Variants in TBC1D19 observed in about 807,000 individuals in gnomAD.
The protein encoded by TBC1D19 is TBC1 domain family, member 19.
A neutral mutation model predicts 89.0 loss-of-function variants in TBC1D19; 60 were observed. That is an observed-to-expected ratio of 0.67 (90% CI 0.55 to 0.84). TBC1D19 has a LOEUF of 0.84. Among genes scored for constraint, TBC1D19 ranks in the 40% least tolerant of loss-of-function variants. The probability of loss-of-function intolerance (pLI) is 0.00; values close to 1 mark genes in which losing one functional copy is unlikely to be tolerated. For missense variants in TBC1D19, 500 were observed against 610.8 expected (o/e 0.82, Z 1.91); for synonymous variants, 189 against 199.7 (o/e 0.95, Z 0.45).
Position 26,620,593 on chromosome 4 carries a change from C to G in TBC1D19, c.219-20C>G. 6.2e-7 allele frequency: 1 copy of G among 1,607,842 alleles called. No individual in the cohort carries two copies. The highest frequency in any genetic ancestry group is 8.5e-7 in the Non-Finnish European group (1 of 1,175,396). On this transcript the variant is annotated intron_variant, in intron 3 of 20. Transcript: ENST00000264866. ...CAAGAGAATAATGTGTGATATTTAGCTGCCTCTTTTTGCTCCTAGGTTTCC... is the reference window on the plus strand; with the variant it reads ...CAAGAGAATAATGTGTGATATTTAGGTGCCTCTTTTTGCTCCTAGGTTTCC...
At chr4:26,643,379 T>G (rs971146946) in intron 7 of TBC1D19, among the ~76,000 whole-genome samples, 1 of 151,986 alleles carries the variant, frequency 6.6e-6, no homozygotes, top group Non-Finnish European at 1.5e-5. Flanking sequence ...TTGAAACCAA[T>G]GAGAACAAAG....
intron 15 of TBC1D19, among the ~76,000 whole-genome samples, chr4:26,734,274 A>T (rs1717833493): frequency 6.6e-6 from 1 of 152,208 alleles, no homozygotes; most frequent in Non-Finnish European, 1.5e-5. Flanking sequence ...AGGCTGAACT[A>T]TCATTTATTA....
At chr4:26,842,881 T>A in the TBC1D19 span, among the ~76,000 whole-genome samples, 1 of 152,244 alleles carries the variant, frequency 6.6e-6, no homozygotes, top group Admixed American at 6.5e-5. Flanking sequence ...AATTGTTGAA[T>A]GGATGAATGA....
chr4:26,605,623 C>T (rs1247358628), intron 1 of TBC1D19, among the ~76,000 whole-genome samples: 7 of 151,334 alleles, frequency 4.6e-5, no homozygotes, highest in South Asian at 2.1e-4. Flanking sequence ...CCTGAGGAAT[C>T]GCCACACTGA....
chr4:26,698,304 A>G (rs1299529417), intron 13 of TBC1D19, among the ~76,000 whole-genome samples: 2 of 152,224 alleles, frequency 1.3e-5, no homozygotes, highest in African/African-American at 4.8e-5. Context: ...CCAACTTACA[A>G]GGGACGTGAA....
chr4:26,796,167 G>A, the TBC1D19 span, among the ~76,000 whole-genome samples: 299 of 152,148 alleles, frequency 2.0e-3, 1 homozygote, highest in Non-Finnish European at 3.4e-3. Flanking sequence ...ATTTTGTTAC[G>A]AAAAGCAATG....
At chr4:26,835,748 C>A in the TBC1D19 span, among the ~76,000 whole-genome samples, 1 of 152,162 alleles carries the variant, frequency 6.6e-6, no homozygotes, top group Admixed American at 6.5e-5. Flanking sequence ...CATGAACTTC[C>A]TAAATGAAAA....
chr4:26,684,476 C>T (rs1713638509), intron 12 of TBC1D19, among the ~76,000 whole-genome samples: 1 of 152,166 alleles, frequency 6.6e-6, no homozygotes, highest in African/African-American at 2.4e-5. Context: ...TAGGTTCCAC[C>T]TGTGGTTGCG....
At chr4:26,698,592 A>G (rs1219821762) in intron 13 of TBC1D19, among the ~76,000 whole-genome samples, 2 of 152,202 alleles carry the variant, frequency 1.3e-5, no homozygotes, top group Non-Finnish European at 2.9e-5. Context: ...TGGAGGCATC[A>G]CACTACCTGA....
chr4:26,808,772 A>G, the TBC1D19 span, among the ~76,000 whole-genome samples: 1 of 151,924 alleles, frequency 6.6e-6, no homozygotes, highest in Non-Finnish European at 1.5e-5. Flanking sequence ...ATTTGTAGCT[A>G]AGAGGGACCT....
intron 13 of TBC1D19, among the ~76,000 whole-genome samples, chr4:26,698,946 G>C (rs560324398): frequency 1.3e-3 from 193 of 152,268 alleles, no homozygotes; most frequent in African/African-American, 4.2e-3. Flanking sequence ...TCAGGACATA[G>C]GCATGGGCAA....
At chr4:26,654,999 T>C (rs1447533115) in intron 7 of TBC1D19, among the ~76,000 whole-genome samples, 1 of 152,200 alleles carries the variant, frequency 6.6e-6, no homozygotes, top group Non-Finnish European at 1.5e-5. Flanking sequence ...CCCATGTTTG[T>C]GGTTTTATCT....
chr4:26,654,696 G>A (rs541242965), intron 7 of TBC1D19, among the ~76,000 whole-genome samples: 2 of 152,250 alleles, frequency 1.3e-5, no homozygotes, highest in South Asian at 2.1e-4. Context: ...CATTCGTCAC[G>A]TAGTTCTCGT....
intron 15 of TBC1D19, among the ~76,000 whole-genome samples, chr4:26,728,053 T>C (rs1305946577): frequency 1.3e-5 from 2 of 152,248 alleles, no homozygotes; most frequent in African/African-American, 4.8e-5. Flanking sequence ...TGCTGCTTCA[T>C]AGTTCACTAA....
intron 11 of TBC1D19, among the ~76,000 whole-genome samples, chr4:26,679,944 T>G (rs2109131459): frequency 6.6e-6 from 1 of 152,362 alleles, no homozygotes; most frequent in East Asian, 1.9e-4. Context: ...ATTATAGTTC[T>G]CATAATCCCC....
intron 13 of TBC1D19, among the ~76,000 whole-genome samples, chr4:26,702,623 C>T (rs1715422712): frequency 6.6e-6 from 1 of 152,110 alleles, no homozygotes; most frequent in Non-Finnish European, 1.5e-5. Context: ...TTAGATTTTA[C>T]ATAATTTTTT....
intron 13 of TBC1D19, among the ~76,000 whole-genome samples, chr4:26,697,540 C>T (rs989630855): frequency 1.3e-5 from 2 of 152,134 alleles, no homozygotes; most frequent in African/African-American, 2.4e-5. Context: ...GATACCAAAG[C>T]CTGGCAGAGA....
intron 4 of TBC1D19, among the ~76,000 whole-genome samples, chr4:26,627,644 T>G (rs1742514934): frequency 6.6e-6 from 1 of 151,898 alleles, no homozygotes; most frequent in Admixed American, 6.6e-5. Context: ...TGGCCAGTGA[T>G]GGTGAGCATT....
intron 3 of TBC1D19, among the ~76,000 whole-genome samples, chr4:26,617,434 T>C (rs1365088135): frequency 6.6e-6 from 1 of 152,260 alleles, no homozygotes; most frequent in Non-Finnish European, 1.5e-5. Flanking sequence ...AGCTATATAA[T>C]TCCAAAGCCC....
Sources: gnomAD v4.1 joint callset for allele counts (sites outside exome capture counted in the v4.1 genomes callset) on GRCh38, gnomAD v4.1.1 for gene constraint, MANE v1.5 for transcripts, NCBI Gene and HGNC (gene_info 2026-07-23, HGNC 2026-07-21) for gene names.